Variants in CADM2 observed in about 807,000 individuals in gnomAD.
CADM2 encodes cell adhesion molecule 2.
In CADM2, 12 loss-of-function variants were observed where a neutral mutation model predicts 49.8. That is an observed-to-expected ratio of 0.24 (90% CI 0.15 to 0.39). CADM2 has a LOEUF of 0.39. Ranked by LOEUF, CADM2 falls within the 10% of genes least tolerant of loss-of-function variation. The pLI is 1.00. For synonymous variants in CADM2, 214 were observed against 175.4 expected (o/e 1.22, Z -1.74); for missense variants, 378 against 492.3 (o/e 0.77, Z 2.20).
chr3:85,216,251 T>C (rs1425109927), intron 1 of CADM2, among the ~76,000 whole-genome samples: 1 of 148,470 alleles, frequency 6.7e-6, no homozygotes, highest in African/African-American at 2.4e-5. Flanking sequence ...CTATAGACTA[T>C]TAAAATATTT....
chr3:85,100,761 A>G (rs1032879212), intron 1 of CADM2, among the ~76,000 whole-genome samples: 1 of 152,044 alleles, frequency 6.6e-6, no homozygotes, highest in Admixed American at 6.6e-5. Context: ...AAATTGAAAA[A>G]CCCTCATCAA....
chr3:85,396,153 G>T (rs1489290756), intron 1 of CADM2, among the ~76,000 whole-genome samples: 1 of 151,552 alleles, frequency 6.6e-6, no homozygotes, highest in Non-Finnish European at 1.5e-5. Flanking sequence ...AACAATTTTT[G>T]TGTGTAATTG....
At chr3:85,153,523 CCATTGCCCAGG>C (rs1434558017) in intron 1 of CADM2, among the ~76,000 whole-genome samples, 4 of 152,184 alleles carry the variant, frequency 2.6e-5, no homozygotes, top group African/African-American at 9.6e-5. Flanking sequence ...GGGGCGCCCG[CCATTGCCCAGG>C]CTTGCTTAGG....
At chr3:85,730,296 G>A (rs965332970) in intron 2 of CADM2, among the ~76,000 whole-genome samples, 1 of 151,920 alleles carries the variant, frequency 6.6e-6, no homozygotes, top group Non-Finnish European at 1.5e-5. Flanking sequence ...ACAAAAAATA[G>A]GCAGGTGTGG....
chr3:85,999,266 A>AGAGG (rs1559791795), intron 8 of CADM2, among the ~76,000 whole-genome samples: 5 of 104,318 alleles, frequency 4.8e-5, no homozygotes, highest in African/African-American at 1.7e-4. Context: ...TGGGAGGCCG[A>AGAGG]GGGTTGGGGG....
intron 1 of CADM2, among the ~76,000 whole-genome samples, chr3:85,160,492 A>G (rs1478817211): frequency 1.3e-5 from 2 of 152,140 alleles, no homozygotes; most frequent in Admixed American, 6.5e-5. Context: ...TCACATCTAC[A>G]GTAGGGTCTC....
At chr3:85,581,841 T>C (rs1466574918) in intron 1 of CADM2, among the ~76,000 whole-genome samples, 1 of 151,336 alleles carries the variant, frequency 6.6e-6, no homozygotes, top group East Asian at 1.9e-4. Context: ...AAAAAAAAGG[T>C]GAACTGAAGG....
chr3:85,924,813 T>G (rs1719617304), intron 6 of CADM2, among the ~76,000 whole-genome samples: 1 of 152,156 alleles, frequency 6.6e-6, no homozygotes, highest in Non-Finnish European at 1.5e-5. Flanking sequence ...GTTCTTTACC[T>G]GATACAAACC....
At chr3:85,876,402 T>C (rs2108368429) in intron 3 of CADM2, among the ~76,000 whole-genome samples, 1 of 152,260 alleles carries the variant, frequency 6.6e-6, no homozygotes, top group African/African-American at 2.4e-5. Flanking sequence ...TTCAATTTAA[T>C]CTAATAAATT....
chr3:85,839,726 C>T (rs891170885), intron 3 of CADM2, among the ~76,000 whole-genome samples: 29 of 151,816 alleles, frequency 1.9e-4, no homozygotes, highest in African/African-American at 7.0e-4. Context: ...AGAAAGAAAA[C>T]ATCAAAATCC....
At chr3:85,501,609 A>G (rs888749963) in intron 1 of CADM2, among the ~76,000 whole-genome samples, 11 of 152,160 alleles carry the variant, frequency 7.2e-5, no homozygotes, top group African/African-American at 2.7e-4. Context: ...TCAAATTACT[A>G]GAAGAGAATA....
At chr3:85,032,782 A>G (rs1416902956) in intron 1 of CADM2, among the ~76,000 whole-genome samples, 6 of 152,166 alleles carry the variant, frequency 3.9e-5, no homozygotes, top group Non-Finnish European at 7.4e-5. Context: ...GCATTCCTGC[A>G]TGACTTACCT....
At chr3:86,042,146 C>T (rs576733924) in intron 8 of CADM2, among the ~76,000 whole-genome samples, 12 of 152,180 alleles carry the variant, frequency 7.9e-5, no homozygotes, top group South Asian at 6.2e-4. Context: ...AAAATTGACA[C>T]GCTAACATCA....
intron 8 of CADM2, among the ~76,000 whole-genome samples, chr3:86,017,565 C>T (rs1732443996): frequency 6.6e-6 from 1 of 151,658 alleles, no homozygotes; most frequent in South Asian, 2.1e-4. Flanking sequence ...CCCGCCTCTA[C>T]AAAAACTGCA....
intron 1 of CADM2, among the ~76,000 whole-genome samples, chr3:85,667,279 A>G (rs1482171201): frequency 1.3e-5 from 2 of 152,192 alleles, no homozygotes; most frequent in Non-Finnish European, 2.9e-5. Context: ...TTAAAAGACA[A>G]CATTAATTTT....
intron 2 of CADM2, among the ~76,000 whole-genome samples, chr3:85,765,417 A>G (rs1167027104): frequency 6.6e-6 from 1 of 152,052 alleles, no homozygotes; most frequent in African/African-American, 2.4e-5. Flanking sequence ...ATTTATTTTT[A>G]GTTATTACAG....
At chr3:85,021,485 A>G (rs1559621126) in intron 1 of CADM2, among the ~76,000 whole-genome samples, 1 of 152,050 alleles carries the variant, frequency 6.6e-6, no homozygotes, top group Non-Finnish European at 1.5e-5. Flanking sequence ...TATATTTAAA[A>G]ATACGCAGGC....
chr3:86,064,251 T>A (rs1327414044), intron 8 of CADM2, among the ~76,000 whole-genome samples: 1 of 151,950 alleles, frequency 6.6e-6, no homozygotes, highest in Non-Finnish European at 1.5e-5. Flanking sequence ...TTCCCCTTCC[T>A]GTGCCCAAGT....
chr3:85,301,980 T>G (rs2044112544), intron 1 of CADM2, among the ~76,000 whole-genome samples: 1 of 152,106 alleles, frequency 6.6e-6, no homozygotes, highest in African/African-American at 2.4e-5. Flanking sequence ...GTAAAATCCT[T>G]GCTTCCTTTC....
Sources: gnomAD v4.1 joint callset for allele counts (sites outside exome capture counted in the v4.1 genomes callset) on GRCh38, gnomAD v4.1.1 for gene constraint, MANE v1.5 for transcripts, NCBI Gene and HGNC (gene_info 2026-07-23, HGNC 2026-07-21) for gene names.